Variants in FRMD4B observed in about 807,000 individuals in gnomAD.
FRMD4B encodes the protein FERM domain-containing protein 4B.
Under a neutral mutation model 141.5 loss-of-function variants are expected in FRMD4B, and 74 were observed. The ratio of observed to expected loss-of-function variants is 0.52; its 90% CI spans 0.43 to 0.63. FRMD4B has a LOEUF of 0.63. Ranked by LOEUF, FRMD4B falls within the 30% of genes least tolerant of loss-of-function variation. The pLI, the probability that FRMD4B is intolerant of heterozygous loss-of-function variation, is 0.00. For missense variants in FRMD4B, 1,366 were observed against 1,253.4 expected (o/e 1.09, Z -1.36); for synonymous variants, 506 against 467.9 (o/e 1.08, Z -1.05).
chr3:69,456,732 GT>G (rs1388416182), intron 1 of FRMD4B, among the ~76,000 whole-genome samples: 1,373 of 120,580 alleles, frequency 0.011, 30 homozygotes, highest in African/African-American at 0.04. Flanking sequence ...TTCCATTTTT[GT>G]AAAAAAAAAA....
At chr3:69,306,683 T>C (rs1701403891) in intron 3 of FRMD4B, 1 of 152,274 alleles carries the variant, frequency 6.6e-6, no homozygotes, top group African/African-American at 2.4e-5. Context: ...ACTGCTTTTA[T>C]TGCGTAATTG....
intron 1 of FRMD4B, among the ~76,000 whole-genome samples, chr3:69,525,100 C>T (rs917140514): frequency 3.3e-5 from 5 of 152,276 alleles, no homozygotes; most frequent in African/African-American, 9.6e-5. Context: ...GTTCAGTAAT[C>T]ATATACTAGA....
At chr3:69,281,871 T>C (rs1034691076) in intron 5 of FRMD4B, among the ~76,000 whole-genome samples, 2 of 151,174 alleles carry the variant, frequency 1.3e-5, no homozygotes, top group Non-Finnish European at 2.9e-5. Context: ...ACAGTATTTT[T>C]CACAAAAGTG....
At chr3:69,494,261 G>C (rs1197836648) in intron 1 of FRMD4B, among the ~76,000 whole-genome samples, 5 of 152,194 alleles carry the variant, frequency 3.3e-5, no homozygotes, top group Non-Finnish European at 7.3e-5. Context: ...TGTATACTGG[G>C]TGGGTCCAGG....
intron 11 of FRMD4B, chr3:69,200,967 C>A (rs80113447): frequency 1.2e-5 from 5 of 413,092 alleles, no homozygotes; most frequent in Non-Finnish European, 2.4e-5. Flanking sequence ...AAATGTGAAA[C>A]CCTAGCGCTT....
intron 5 of FRMD4B, among the ~76,000 whole-genome samples, chr3:69,282,635 A>G (rs1042691673): frequency 6.6e-6 from 1 of 152,136 alleles, no homozygotes; most frequent in Admixed American, 6.6e-5. Flanking sequence ...CCAGCCATCT[A>G]CATTTTATAT....
At chr3:69,374,129 C>G (rs1703905792) in intron 1 of FRMD4B, among the ~76,000 whole-genome samples, 1 of 152,138 alleles carries the variant, frequency 6.6e-6, no homozygotes, top group Admixed American at 6.5e-5. Context: ...GGCTTAGGAT[C>G]AAGTCTTTGC....
intron 1 of FRMD4B, among the ~76,000 whole-genome samples, chr3:69,325,130 G>GAAAGAAAAA (rs1559806285): frequency 3.1e-5 from 3 of 97,624 alleles, no homozygotes; most frequent in South Asian, 3.8e-4. Context: ...AGAAAGAAAA[G>GAAAGAAAAA]AAATTAATTG....
chr3:69,290,783 C>CT (rs1293290707), intron 4 of FRMD4B, among the ~76,000 whole-genome samples: 1 of 152,068 alleles, frequency 6.6e-6, no homozygotes, highest in South Asian at 2.1e-4. Flanking sequence ...GACGCAGACT[C>CT]TGAGTTTTAG....
At chr3:69,319,723 A>G (rs2107273453) in intron 1 of FRMD4B, among the ~76,000 whole-genome samples, 1 of 152,320 alleles carries the variant, frequency 6.6e-6, no homozygotes, top group South Asian at 2.1e-4. Flanking sequence ...TAGCACTCCA[A>G]CTGATGTTAG....
intron 1 of FRMD4B, among the ~76,000 whole-genome samples, chr3:69,385,592 G>T (rs1241492405): frequency 6.6e-6 from 1 of 152,164 alleles, no homozygotes; most frequent in Non-Finnish European, 1.5e-5. Context: ...CTCTGTAACA[G>T]ATGTCTGCAA....
intron 1 of FRMD4B, among the ~76,000 whole-genome samples, chr3:69,486,132 A>T (rs746745478): frequency 2.0e-5 from 3 of 152,162 alleles, no homozygotes; most frequent in Admixed American, 6.5e-5. Context: ...CTGGCTTTGA[A>T]TTTTTCCCAA....
intron 4 of FRMD4B, among the ~76,000 whole-genome samples, chr3:69,290,117 C>T (rs997964926): frequency 4.6e-5 from 7 of 152,242 alleles, no homozygotes; most frequent in Non-Finnish European, 1.0e-4. Context: ...GTGTCTTCTA[C>T]CCTGAGCCCT....
At chr3:69,264,211 T>C (rs1321505673) in intron 5 of FRMD4B, among the ~76,000 whole-genome samples, 1 of 152,192 alleles carries the variant, frequency 6.6e-6, no homozygotes, top group Non-Finnish European at 1.5e-5. Flanking sequence ...TAATACACTA[T>C]ACACATTATT....
At chr3:69,194,508 T>A (rs2092877409) in intron 16 of FRMD4B, among the ~76,000 whole-genome samples, 1 of 152,232 alleles carries the variant, frequency 6.6e-6, no homozygotes, top group Non-Finnish European at 1.5e-5. Flanking sequence ...TATTGGCTGA[T>A]GACATGCAAA....
intron 5 of FRMD4B, among the ~76,000 whole-genome samples, chr3:69,260,199 T>G (rs2093517139): frequency 6.6e-6 from 1 of 152,196 alleles, no homozygotes; most frequent in Non-Finnish European, 1.5e-5. Flanking sequence ...ACCGCTGCAC[T>G]GTAGGAGCCC....
chr3:69,358,778 C>G (rs1703394105), intron 1 of FRMD4B, among the ~76,000 whole-genome samples: 1 of 152,038 alleles, frequency 6.6e-6, no homozygotes, highest in Non-Finnish European at 1.5e-5. Flanking sequence ...GTGGGACCTT[C>G]AAGACATGAT....
intron 1 of FRMD4B, among the ~76,000 whole-genome samples, chr3:69,365,267 AAC>A (rs1703604108): frequency 6.6e-6 from 1 of 152,234 alleles, no homozygotes; most frequent in Admixed American, 6.5e-5. Flanking sequence ...ACTGTGACAA[AAC>A]ACAGTATGTG....
intron 16 of FRMD4B, among the ~76,000 whole-genome samples, chr3:69,194,387 T>C (rs2092876375): frequency 2.0e-5 from 3 of 152,130 alleles, no homozygotes; most frequent in South Asian, 4.1e-4. Flanking sequence ...AGCTCAGAGA[T>C]GGGTACACAG....
Sources: allele counts gnomAD v4.1 joint callset (sites outside exome capture counted in the v4.1 genomes callset), GRCh38; gene constraint gnomAD v4.1.1; transcripts MANE v1.5; gene names NCBI Gene and HGNC (gene_info 2026-07-23, HGNC 2026-07-21).